HPGD: variants seen among roughly 807,000 people sequenced by gnomAD.
HPGD encodes 15-hydroxyprostaglandin dehydrogenase [NAD(+)].
Under a neutral mutation model 30.0 loss-of-function variants are expected in HPGD, and 29 were observed. The ratio of observed to expected loss-of-function variants is 0.97; its 90% CI spans 0.72 to 1.32. The LOEUF (loss-of-function observed/expected upper bound fraction) is 1.32. HPGD is among the 40% of genes most tolerant of loss of function. HPGD has a pLI of 0.00. For missense variants in HPGD, 340 were observed against 322.1 expected, an observed-to-expected ratio of 1.06 and a Z score of -0.43; for synonymous variants, 99 against 112.4, an observed-to-expected ratio of 0.88 and a Z score of 0.75.
At chr4:174,510,764 C>T (rs1456162473) in intron 3 of HPGD, among the ~76,000 whole-genome samples, 1 of 152,060 alleles carries the variant, frequency 6.6e-6, no homozygotes, top group African/African-American at 2.4e-5. Context: ...ACTTTTCCTC[C>T]TTTACTATAA....
intron 4 of HPGD, 37 bp downstream of exon 4, chr4:174,508,659 A>C: frequency 8.6e-7 from 1 of 1,156,708 alleles, no homozygotes; most frequent in Non-Finnish European, 1.3e-6. Context: ...AATTACCAGT[A>C]AGAAAATGTT....
intron 3 of HPGD, among the ~76,000 whole-genome samples, chr4:174,511,314 T>C (rs1228136723): frequency 1.3e-5 from 2 of 152,204 alleles, no homozygotes; most frequent in African/African-American, 4.8e-5. Flanking sequence ...ATTGGAATAC[T>C]AAGCACGTGA....
At chr4:174,521,793 G>C in intron 2 of HPGD, 151 bp downstream of exon 2, 1 of 855,218 alleles carries the variant, frequency 1.2e-6, no homozygotes. Flanking sequence ...AGAAGGAAAC[G>C]TATCAGTCCA....
intron 3 of HPGD, among the ~76,000 whole-genome samples, chr4:174,517,729 G>A (rs550283861): frequency 5.9e-5 from 9 of 152,210 alleles, no homozygotes; most frequent in Non-Finnish European, 1.3e-4. Context: ...GCCAATCCCT[G>A]AGTTAAGCAA....
At chr4:174,514,428 G>C (rs1735662740) in intron 3 of HPGD, among the ~76,000 whole-genome samples, 2 of 152,116 alleles carry the variant, frequency 1.3e-5, no homozygotes, top group Admixed American at 6.5e-5. Flanking sequence ...TAAAAGAACT[G>C]CAAGGAGGGT....
At chr4:174,518,220 C>T (rs758900408) in intron 2 of HPGD, 143 bp from the exon 3 acceptor site, 59 of 561,774 alleles carry the variant, frequency 1.1e-4, no homozygotes, top group Non-Finnish European at 1.7e-4. Context: ...GTAATTAATT[C>T]CTTGTTTCTC....
At chr4:174,505,618 C>T (rs779053027) in intron 4 of HPGD, among the ~76,000 whole-genome samples, 5 of 151,678 alleles carry the variant, frequency 3.3e-5, no homozygotes, top group Admixed American at 6.6e-5. Flanking sequence ...GGAGGCTCTC[C>T]GTTGGTGGAT....
intron 4 of HPGD, among the ~76,000 whole-genome samples, chr4:174,502,783 C>T (rs1231792838): frequency 1.3e-5 from 2 of 151,912 alleles, no homozygotes; most frequent in Admixed American, 6.6e-5. Context: ...TCTAGTGACT[C>T]AGACAGTTGC....
chr4:174,516,122 C>T (rs1347831887), intron 3 of HPGD, among the ~76,000 whole-genome samples: 1 of 152,164 alleles, frequency 6.6e-6, no homozygotes, highest in Non-Finnish European at 1.5e-5. Context: ...TACCATTCAA[C>T]CCAGCAACCC....
intron 1 of HPGD, 72 bp from the exon 2 acceptor site, chr4:174,522,139 A>G: frequency 6.2e-7 from 1 of 1,607,250 alleles, no homozygotes; most frequent in East Asian, 2.2e-5. Flanking sequence ...TAAACACACA[A>G]GAGGCTCCCC....
At position 174,492,018 on chromosome 4, in the gene HPGD, T is replaced by C. The variant is rs750440973; in HGVS notation, c.739A>G (p.Thr247Ala). 6 of 1,610,762 alleles carry C rather than the reference T, an allele frequency of 3.7e-6. No homozygotes were observed. Among genetic ancestry groups the C allele is most frequent in the East Asian group, 4.5e-5 (2 of 44,704 alleles). ...ALNGAIMKIT[T>A]SKGIHFQDYD... The stretch of plus-strand genomic sequence containing the variant: ...TCTTGAAAATGAATTCCCTTAGAAG[T>C]TGTGATCTTCATAATAGCACCATTT... Residue 247 changes from threonine to alanine, a missense_variant, in exon 7 of 7, where the codon ACT becomes GCT. Thr to Ala is a moderately conservative substitution (Grantham distance 58). Coordinates refer to ENST00000296522, the MANE Select transcript of HPGD (RefSeq NM_000860.6). This position sits in a 1 kb window ranked among gnomAD's most constrained non-coding sequence, Gnocchi z 4.9.
chr4:174,522,024 TTACACTG>T lies in HPGD; in HGVS notation c.130_136del (p.Gln44LysfsTer26). The T allele has an allele frequency of 6.2e-7, 1 of 1,614,114 alleles. No individual in the cohort carries two copies. Among genetic ancestry groups the T allele is most frequent in the Non-Finnish European group, 8.5e-7 (1 of 1,179,964 alleles). ...TTCAAACTGCTCATCCAGGGCAGCT[TTACACTG>T]TACACCTGCTTCAAGATTCCAATCC... is the stretch of plus-strand genomic sequence containing the variant. On this transcript the variant is annotated frameshift_variant, in exon 2 of 7. Coordinates refer to ENST00000296522, the MANE Select transcript of HPGD (RefSeq NM_000860.6). LOFTEE classifies it high-confidence loss of function.
intron 3 of HPGD, among the ~76,000 whole-genome samples, chr4:174,516,521 C>CT (rs1735782510): frequency 6.6e-6 from 1 of 152,044 alleles, no homozygotes; most frequent in African/African-American, 2.4e-5. Flanking sequence ...AGTGGGAAAA[C>CT]TATCTATGGG....
intron 4 of HPGD, among the ~76,000 whole-genome samples, chr4:174,497,766 TG>T (rs1329360733): frequency 6.6e-6 from 1 of 151,452 alleles, no homozygotes; most frequent in African/African-American, 2.4e-5. Flanking sequence ...TTAGTAGAGA[TG>T]GGGTTTCACC....
intron 2 of HPGD, among the ~76,000 whole-genome samples, chr4:174,520,142 C>T (rs1196588869): frequency 6.6e-6 from 1 of 152,050 alleles, no homozygotes; most frequent in Non-Finnish European, 1.5e-5. Flanking sequence ...TGTCTAATTG[C>T]CGCTTTAATT....
chr4:174,511,439 T>C (rs1410768583), intron 3 of HPGD, among the ~76,000 whole-genome samples: 1 of 152,172 alleles, frequency 6.6e-6, no homozygotes, highest in Admixed American at 6.5e-5. Flanking sequence ...TCAACATATA[T>C]TAGTTAAATG....
chr4:174,522,264 G>A, intron 1 of HPGD, 95 bp downstream of exon 1: 2 of 1,364,354 alleles, frequency 1.5e-6, no homozygotes, highest in Non-Finnish European at 2.0e-6. Context: ...CACGCCGGGC[G>A]CGGCCTCCCT....
At chr4:174,520,027 C>G (rs1173064578) in intron 2 of HPGD, among the ~76,000 whole-genome samples, 1 of 152,042 alleles carries the variant, frequency 6.6e-6, no homozygotes, top group African/African-American at 2.4e-5. Flanking sequence ...AGAAAATGTC[C>G]CCCAGTATTT....
At position 174,497,000 on chromosome 4, in the gene HPGD, A is replaced by G. The variant is rs1579273890; in HGVS notation, c.422-1376T>C. ...AGTTTGTCAGTGTCAGTCAACAAGA[A>G]TTTATGATGTTTCCACAGGCTACAT... is the stretch of plus-strand genomic sequence containing the variant. On this transcript the variant is annotated intron_variant, in intron 4 of 6. Transcript: ENST00000296522. This position sits in a 1 kb window ranked among gnomAD's most constrained non-coding sequence, Gnocchi z 4.6. Among the ~76,000 whole-genome samples the G allele has an allele frequency of 6.6e-6, 1 of 152,360 alleles. No individual in the cohort carries two copies. Among genetic ancestry groups the G allele is most frequent in the Non-Finnish European group, 1.5e-5 (1 of 68,032 alleles).
Sources: gnomAD v4.1 joint callset for allele counts (sites outside exome capture counted in the v4.1 genomes callset) on GRCh38, gnomAD v4.1.1 for gene constraint, Gnocchi (gnomAD v3.1) non-coding constraint, MANE v1.5 for transcripts, NCBI Gene and HGNC (gene_info 2026-07-23, HGNC 2026-07-21) for gene names.